Variants in B3GALT1 observed in about 807,000 individuals in gnomAD.
B3GALT1 encodes UDP-Gal:betaGlcNAc beta 1,3-galactosyltransferase, polypeptide 1.
A neutral mutation model predicts 23.2 loss-of-function variants in B3GALT1; 10 were observed. That is an observed-to-expected ratio of 0.43 (90% CI 0.27 to 0.73). The LOEUF is 0.73. Ranked by LOEUF, B3GALT1 falls within the 30% of genes least tolerant of loss-of-function variation. B3GALT1 has a pLI of 0.21. For synonymous variants in B3GALT1, 156 were observed against 141.5 expected (o/e 1.10, Z -0.73); for missense variants, 299 against 405.4 (o/e 0.74, Z 2.25).
chr2:167,838,548 C>A (rs1452948889), intron 4 of B3GALT1, among the ~76,000 whole-genome samples: 1 of 152,256 alleles, frequency 6.6e-6, no homozygotes, highest in Non-Finnish European at 1.5e-5. Flanking sequence ...GCTTACCGAC[C>A]ATAAAGAGTC....
At chr2:167,351,323 C>A (rs980826257) in intron 1 of B3GALT1, among the ~76,000 whole-genome samples, 1 of 151,212 alleles carries the variant, frequency 6.6e-6, no homozygotes, top group Non-Finnish European at 1.5e-5. Context: ...AAAAAAATGT[C>A]ATTTTAAGTT....
chr2:167,396,013 A>G (rs1698088859), intron 1 of B3GALT1, among the ~76,000 whole-genome samples: 1 of 152,080 alleles, frequency 6.6e-6, no homozygotes, highest in African/African-American at 2.4e-5. Flanking sequence ...TCACCCCTCC[A>G]GAGAATTTTA....
At chr2:167,836,941 A>C (rs1689493525) in intron 4 of B3GALT1, among the ~76,000 whole-genome samples, 1 of 152,140 alleles carries the variant, frequency 6.6e-6, no homozygotes, top group Non-Finnish European at 1.5e-5. Flanking sequence ...TTCATAAGTG[A>C]AGGAGAAATA....
At chr2:167,368,481 G>A (rs1450848149) in intron 1 of B3GALT1, among the ~76,000 whole-genome samples, 2 of 152,168 alleles carry the variant, frequency 1.3e-5, no homozygotes, top group African/African-American at 2.4e-5. Flanking sequence ...TGGCTATCTA[G>A]AGGGCAGAAG....
chr2:167,631,216 G>A (rs981367850), intron 2 of B3GALT1, among the ~76,000 whole-genome samples: 1 of 151,710 alleles, frequency 6.6e-6, no homozygotes, highest in Non-Finnish European at 1.5e-5. Flanking sequence ...AATAAACAGG[G>A]CATCATGTTC....
At chr2:167,800,785 A>C (rs1688626901) in intron 3 of B3GALT1, among the ~76,000 whole-genome samples, 1 of 152,212 alleles carries the variant, frequency 6.6e-6, no homozygotes, top group Non-Finnish European at 1.5e-5. Context: ...TGTTGTCTGA[A>C]TAAGACCAGT....
chr2:167,824,991 G>GA (rs532425344), intron 4 of B3GALT1, among the ~76,000 whole-genome samples: 119 of 150,936 alleles, frequency 7.9e-4, no homozygotes, highest in Non-Finnish European at 1.1e-3. Context: ...GTCATGGGCA[G>GA]AAAAAAAAAT....
chr2:167,739,867 G>T (rs527953835), intron 3 of B3GALT1, among the ~76,000 whole-genome samples: 1 of 150,602 alleles, frequency 6.6e-6, no homozygotes, highest in African/African-American at 2.4e-5. Context: ...AATGCAGAAG[G>T]ATTGCTTGAG....
chr2:167,866,880 C>T (rs767530717), intron 4 of B3GALT1, among the ~76,000 whole-genome samples: 11 of 152,336 alleles, frequency 7.2e-5, no homozygotes, highest in African/African-American at 2.4e-4. Flanking sequence ...GACTCACTTA[C>T]AACCTTTTGT....
At chr2:167,467,605 G>A (rs1457181360) in intron 1 of B3GALT1, among the ~76,000 whole-genome samples, 7 of 152,164 alleles carry the variant, frequency 4.6e-5, no homozygotes, top group African/African-American at 1.4e-4. Context: ...AGGCCATTCC[G>A]TGGTTAAGAC....
chr2:167,614,032 T>C (rs1685114399), intron 2 of B3GALT1, among the ~76,000 whole-genome samples: 1 of 151,794 alleles, frequency 6.6e-6, no homozygotes, highest in South Asian at 2.1e-4. Flanking sequence ...AATATTTTTC[T>C]AGATGTTCTA....
intron 2 of B3GALT1, among the ~76,000 whole-genome samples, chr2:167,618,419 A>G (rs1370980100): frequency 6.6e-6 from 1 of 152,012 alleles, no homozygotes; most frequent in Non-Finnish European, 1.5e-5. Flanking sequence ...AATTTTTCTG[A>G]ACCTTTTGAG....
At chr2:167,399,253 C>T (rs1698148018) in intron 1 of B3GALT1, among the ~76,000 whole-genome samples, 1 of 152,108 alleles carries the variant, frequency 6.6e-6, no homozygotes. Flanking sequence ...GACTAGAAAA[C>T]ATCTTCAAAA....
chr2:167,540,048 A>G (rs1169323746), intron 2 of B3GALT1, among the ~76,000 whole-genome samples: 1 of 152,150 alleles, frequency 6.6e-6, no homozygotes, highest in African/African-American at 2.4e-5. Context: ...TAATTACCAA[A>G]TGATCATTTT....
chr2:167,332,400 T>C (rs1696988098), intron 1 of B3GALT1, among the ~76,000 whole-genome samples: 1 of 152,250 alleles, frequency 6.6e-6, no homozygotes, highest in Non-Finnish European at 1.5e-5. Flanking sequence ...TAGTTACCTA[T>C]TGCACTAATA....
chr2:167,632,026 T>C (rs1685458010), intron 2 of B3GALT1, among the ~76,000 whole-genome samples: 1 of 151,906 alleles, frequency 6.6e-6, no homozygotes, highest in Non-Finnish European at 1.5e-5. Context: ...CTCCCACTTA[T>C]GAGTGAGAAC....
chr2:167,614,427 T>C (rs1389176094), intron 2 of B3GALT1, among the ~76,000 whole-genome samples: 1 of 151,714 alleles, frequency 6.6e-6, no homozygotes, highest in Non-Finnish European at 1.5e-5. Context: ...AAAGTCTAAA[T>C]GTTTAAGAGT....
At chr2:167,569,576 G>T (rs1253859627) in intron 2 of B3GALT1, among the ~76,000 whole-genome samples, 2 of 151,694 alleles carry the variant, frequency 1.3e-5, no homozygotes, top group Non-Finnish European at 3.0e-5. Context: ...TGATTCTTTT[G>T]AATTTTCTAG....
At chr2:167,758,852 A>T (rs11691049) in intron 3 of B3GALT1, among the ~76,000 whole-genome samples, 1 of 151,986 alleles carries the variant, frequency 6.6e-6, no homozygotes, top group African/African-American at 2.4e-5. Context: ...GCTGTGGTCC[A>T]GGGTAACTGT....
Sources: allele counts gnomAD v4.1 joint callset (sites outside exome capture counted in the v4.1 genomes callset), GRCh38; gene constraint gnomAD v4.1.1; transcripts MANE v1.5; gene names NCBI Gene and HGNC (gene_info 2026-07-23, HGNC 2026-07-21).